Variants in DMBT1 observed in about 807,000 individuals in gnomAD.
DMBT1 encodes the protein deleted in malignant brain tumors 1, also known as scavenger receptor cysteine-rich domain-containing protein DMBT1.
Under a neutral mutation model 252.9 loss-of-function variants are expected in DMBT1, and 198 were observed. That is an observed-to-expected ratio of 0.78 (90% CI 0.70 to 0.88). DMBT1 has a LOEUF of 0.88. DMBT1 is among the 40% of genes least tolerant of loss of function. The pLI, the probability that DMBT1 is intolerant of heterozygous loss-of-function variation, is 0.00. For synonymous variants in DMBT1, 990 were observed against 942.7 expected (o/e 1.05, Z -0.92); for missense variants, 2,432 against 2,404.7 (o/e 1.01, Z -0.24).
rs769718471 is a variant in DMBT1 at position 122,585,258 on chromosome 10, G to A, written c.1421-13G>A. On this transcript the variant is annotated splice_polypyrimidine_tract_variant and intron_variant, in intron 14 of 55. Transcript: ENST00000338354. ...AACTTTAATTCTAGCCTTTGTCTCT[G>A]TTGCAATTACAGACACGTTGCCGAC... 5 of 1,585,910 alleles carry A rather than the reference G, an allele frequency of 3.2e-6. No individual in the cohort carries two copies. The African/African-American group carries it at 4.0e-5, about 13-fold the overall frequency.
chr10:122,618,367 T>G (rs772793174), intron 41 of DMBT1, 27 bp downstream of exon 41: 9 of 1,613,662 alleles, frequency 5.6e-6, no homozygotes, highest in African/African-American at 1.3e-5. Context: ...TTGGGCTCCC[T>G]CTCTTAAGTT....
intron 51 of DMBT1, 136 bp from the exon 52 acceptor site, chr10:122,633,055 C>T (rs367729652): frequency 2.0e-6 from 3 of 1,489,246 alleles, no homozygotes; most frequent in East Asian, 4.9e-5. Context: ...TCTAGGCCAC[C>T]TCTTGCTCTT....
rs1174871981 is a variant in DMBT1 at position 122,599,110 on chromosome 10, G to A, written c.3280+13G>A. On this transcript the variant is annotated intron_variant, in intron 26 of 55. Coordinates refer to ENST00000338354, the MANE Select transcript of DMBT1 (RefSeq NM_001377530.1). ...GTCATCTGCTCAGGTGGGCCTTCAAGAACTTGGGATCACTCTCTTGGGGTG... is the reference window on the plus strand; with the variant it reads ...GTCATCTGCTCAGGTGGGCCTTCAAAAACTTGGGATCACTCTCTTGGGGTG... 1 of 1,613,734 alleles carries A rather than the reference G, an allele frequency of 6.2e-7. No individual in the cohort carries two copies. The highest frequency in any genetic ancestry group is 1.1e-5 in the South Asian group (1 of 91,072).
At chr10:122,629,594 G>A (rs969884381) in intron 46 of DMBT1, among the ~76,000 whole-genome samples, 5 of 152,218 alleles carry the variant, frequency 3.3e-5, no homozygotes, top group Admixed American at 2.0e-4. Flanking sequence ...TCCCTCTGAA[G>A]CTTGGGTCAC....
intron 16 of DMBT1, among the ~76,000 whole-genome samples, chr10:122,588,585 G>A (rs995859672): frequency 6.7e-6 from 1 of 148,780 alleles, no homozygotes; most frequent in African/African-American, 2.4e-5. Flanking sequence ...CAGAAGCCAG[G>A]GAGGACCATG....
At chr10:122,574,233 C>G (rs112505453) in intron 6 of DMBT1, among the ~76,000 whole-genome samples, 8 of 152,340 alleles carry the variant, frequency 5.3e-5, no homozygotes, top group African/African-American at 1.7e-4. Context: ...AAATCACAAT[C>G]CTTCAGCTCA....
At chr10:122,578,444 C>T (rs538396889) in intron 8 of DMBT1, among the ~76,000 whole-genome samples, 33 of 152,242 alleles carry the variant, frequency 2.2e-4, no homozygotes, top group Non-Finnish European at 3.7e-4. Flanking sequence ...TCAGTCCACG[C>T]GTCAGTGGAT....
chr10:122,568,409 G>GA (rs951483808), intron 2 of DMBT1, among the ~76,000 whole-genome samples: 2 of 152,084 alleles, frequency 1.3e-5, no homozygotes, highest in African/African-American at 4.8e-5. Context: ...TCTCCAGGGG[G>GA]AAAATACAGA....
chr10:122,585,446 G>A, intron 15 of DMBT1, 137 bp downstream of exon 15: 1 of 1,178,020 alleles, frequency 8.5e-7, no homozygotes, highest in Non-Finnish European at 1.2e-6. Context: ...GAGGAAGGTA[G>A]AGTCTCTGGG....
intron 1 of DMBT1, among the ~76,000 whole-genome samples, chr10:122,564,710 G>A (rs1227940475): frequency 1.3e-5 from 2 of 151,776 alleles, no homozygotes; most frequent in East Asian, 1.9e-4. Context: ...ATCGAAGTGT[G>A]TAAGAGTACT....
Position 122,588,181 on chromosome 10 carries a change from C to A in DMBT1, c.1784-763C>A, listed in dbSNP as rs78550425. On this transcript the variant is annotated intron_variant, in intron 16 of 55. Coordinates refer to ENST00000338354, the MANE Select transcript of DMBT1 (RefSeq NM_001377530.1). ...AACAGTAGGTACAGAATCTTCTCAC[C>A]CCCACTAGGGCTCACTCTCTACTTC... Among the ~76,000 whole-genome samples, 956 of 148,442 alleles carry A rather than the reference C, an allele frequency of 6.4e-3. 185 individuals carry two copies. In the East Asian group the frequency reaches 0.16, roughly 25 times the overall value.
chr10:122,618,389 A>T (rs765792896), intron 41 of DMBT1, 49 bp downstream of exon 41: 1 of 1,613,306 alleles, frequency 6.2e-7, no homozygotes, highest in East Asian at 2.2e-5. Context: ...AAGTTTGCTC[A>T]GGAAGAAAAT....
intron 2 of DMBT1, among the ~76,000 whole-genome samples, chr10:122,566,325 C>CTTTTGT (rs2097591761): frequency 6.7e-6 from 1 of 148,456 alleles, no homozygotes; most frequent in Non-Finnish European, 1.5e-5. Context: ...TTTCTTTTTT[C>CTTTTGT]TTTTTGAGAT....
At chr10:122,620,928 A>C in intron 43 of DMBT1, 129 bp from the exon 44 acceptor site, 1 of 1,492,318 alleles carries the variant, frequency 6.7e-7, no homozygotes, top group Non-Finnish European at 9.1e-7. Context: ...CTCTGTCTGT[A>C]TTCATATTCA....
In DMBT1 at chr10:122,586,171, A is replaced by G. The variant is rs2097787633; in HGVS notation, c.1571A>G (p.Asp524Gly). 1 of 1,589,264 alleles carries G rather than the reference A, an allele frequency of 6.3e-7. No homozygotes were observed. Residue 524 changes from aspartate (D) to glycine (G), a missense_variant, in exon 16 of 56, where the codon GAC becomes GGC. This residue lies in a region of DMBT1 where 1,264 missense variants were observed against 1,082.2 expected (regional missense o/e 1.17). Transcript: ENST00000338354. ...SWGTVCDDSW[D>G]TNDANVVCRQ... is the part of the protein sequence containing the mutation. ...GGCACCGTGTGTGATGACAGCTGGG[A>G]CACCAATGATGCCAATGTGGTCTGC... is the stretch of plus-strand genomic sequence containing the variant.
In DMBT1 at chr10:122,643,126, G is replaced by T. The variant is rs372434439; in HGVS notation, c.7357G>T (p.Val2453Leu). 1.9e-6 allele frequency: 3 copies of T among 1,613,506 alleles called. No homozygotes were observed. Among genetic ancestry groups the T allele is most frequent in the African/African-American group, 2.7e-5 (2 of 75,028 alleles). The stretch of plus-strand genomic sequence containing the variant: ...GGGGCTACTGTTCTCTTCCAGATGC[G>T]TGAGGGATGACACCTACGGACCCTA... ...LTYDLIRSGC[V>L]RDDTYGPYSS... Residue 2453 changes from valine to leucine, a missense_variant, in exon 56 of 56, where the codon GTG becomes TTG. By Grantham distance (32) the Val-to-Leu change is conservative. Coordinates refer to ENST00000338354, the MANE Select transcript of DMBT1 (RefSeq NM_001377530.1).
In DMBT1 at chr10:122,618,313, C is replaced by G; in HGVS notation, c.5188C>G (p.His1730Asp). The G allele has an allele frequency of 6.2e-7, 1 of 1,613,836 alleles. No homozygotes were observed. The highest frequency in any genetic ancestry group is 8.5e-7 in the Non-Finnish European group (1 of 1,179,760). Reference protein sequence around the residue: ...NGWLSHNCGHHEDAGVICSAA... With the variant: ...NGWLSHNCGHDEDAGVICSAA... Reference sequence around the variant, plus strand: ...CTGGCTCTCCCACAACTGTGGCCATCATGAAGATGCTGGTGTCATCTGCTC... The same window carrying G: ...CTGGCTCTCCCACAACTGTGGCCATGATGAAGATGCTGGTGTCATCTGCTC... The change falls in exon 41 of 56, where the codon CAT (histidine) becomes GAT (aspartate). Residue 1730 changes from histidine (H) to aspartate (D), a missense_variant. Coordinates refer to ENST00000338354, the MANE Select transcript of DMBT1 (RefSeq NM_001377530.1).
At chr10:122,580,131 A>G (rs1183102312) in intron 10 of DMBT1, among the ~76,000 whole-genome samples, 1 of 152,194 alleles carries the variant, frequency 6.6e-6, no homozygotes, top group Non-Finnish European at 1.5e-5. Flanking sequence ...TTCCTGAGGC[A>G]AGGCAAGGAA....
chr10:122,586,649 C>A (rs771191085), intron 16 of DMBT1, among the ~76,000 whole-genome samples: 1 of 148,180 alleles, frequency 6.7e-6, no homozygotes, highest in Non-Finnish European at 1.5e-5. Context: ...AAGACGAAAG[C>A]GCCGGGTCTT....
Sources: allele counts gnomAD v4.1 joint callset (sites outside exome capture counted in the v4.1 genomes callset), GRCh38; gene constraint gnomAD v4.1.1; regional missense constraint gnomAD v4.1.1; transcripts MANE v1.5; gene names NCBI Gene and HGNC (gene_info 2026-07-23, HGNC 2026-07-21).